Variants in ARHGAP5 observed in about 807,000 individuals in gnomAD.
ARHGAP5 encodes the protein rho GTPase-activating protein 5.
Under a neutral mutation model 116.6 loss-of-function variants are expected in ARHGAP5, and 23 were observed. That is an observed-to-expected ratio of 0.20 (90% CI 0.14 to 0.28). The LOEUF is 0.28. ARHGAP5 is among the 10% of genes least tolerant of loss of function. ARHGAP5 has a pLI of 1.00. For synonymous variants in ARHGAP5, 574 were observed against 602.0 expected (o/e 0.95, Z 0.68); for missense variants, 1,405 against 1,774.8 (o/e 0.79, Z 3.74).
At position 32,091,425 on chromosome 14, in the gene ARHGAP5, G is replaced by A; in HGVS notation, c.756G>A (p.Lys252=). 6.2e-7 allele frequency: 1 copy of A among 1,610,640 alleles called. No homozygotes were observed. The highest frequency in any genetic ancestry group is 8.5e-7 in the Non-Finnish European group (1 of 1,178,752). Reference sequence around the variant, plus strand: ...AAATGTTGGATAAAACTCGTAGCAAGCCTAAAATTATTCCCTATTTGGATG... The same window carrying A: ...AAATGTTGGATAAAACTCGTAGCAAACCTAAAATTATTCCCTATTTGGATG... ...LVQMLDKTRS[K]PKIIPYLDAY... Residue 252 remains lysine, a synonymous_variant, in exon 2 of 7, where the codon AAG becomes AAA. Coordinates refer to ENST00000345122, the MANE Select transcript of ARHGAP5 (RefSeq NM_001030055.2).
rs1330084340 is a variant in ARHGAP5, at chr14:32,127,053, A to G, written c.3865+9766A>G. Among the ~76,000 whole-genome samples, 7 of 148,688 alleles carry G rather than the reference A, an allele frequency of 4.7e-5. No homozygotes were observed. The East Asian group carries it at 1.4e-3, about 29-fold the overall frequency. On this transcript the variant is annotated intron_variant, in intron 3 of 6. Transcript: ENST00000345122. The stretch of plus-strand genomic sequence containing the variant: ...CACTCTGTCACCCAGGCTGGAGTAC[A>G]GTGGTGTAGTCTTGGCTCACTGCGA...
At chr14:32,151,113 GT>G (rs1437246174) in intron 5 of ARHGAP5, among the ~76,000 whole-genome samples, 1 of 151,950 alleles carries the variant, frequency 6.6e-6, no homozygotes, top group Non-Finnish European at 1.5e-5. Context: ...TTATATATAC[GT>G]ACTCTCAGGT....
At chr14:32,130,684 C>T (rs1880440254) in intron 3 of ARHGAP5, among the ~76,000 whole-genome samples, 1 of 151,966 alleles carries the variant, frequency 6.6e-6, no homozygotes, top group African/African-American at 2.4e-5. Flanking sequence ...AGGCACGTGC[C>T]ACCACACCCC....
At chr14:32,114,243 C>G (rs1338439645) in intron 2 of ARHGAP5, among the ~76,000 whole-genome samples, 1 of 150,478 alleles carries the variant, frequency 6.6e-6, no homozygotes, top group Non-Finnish European at 1.5e-5. Context: ...AAAAAAAAAT[C>G]TACCCAAGTG....
At chr14:32,099,054 C>T (rs114854165) in intron 2 of ARHGAP5, among the ~76,000 whole-genome samples, 335 of 151,822 alleles carry the variant, frequency 2.2e-3, no homozygotes, top group African/African-American at 7.3e-3. Flanking sequence ...AGAGTGTTGG[C>T]GATGGAGAAT....
rs571967773 is a variant in ARHGAP5 at position 32,143,248 on chromosome 14, A to G, written c.3866-3015A>G. The stretch of plus-strand genomic sequence containing the variant: ...TGTTGTTGTTGTTGTTGTTATTATT[A>G]TTATTATTATTTGAGACGGAGACTT... On this transcript the variant is annotated intron_variant, in intron 3 of 6. Transcript: ENST00000345122. Among the ~76,000 whole-genome samples the G allele has an allele frequency of 1.9e-3, 281 of 144,954 alleles. 5 individuals are homozygous for G. Among genetic ancestry groups the G allele is most frequent in the East Asian group, 0.017 (83 of 4,926 alleles).
intron 6 of ARHGAP5, among the ~76,000 whole-genome samples, chr14:32,153,600 G>A (rs566123711): frequency 6.7e-6 from 1 of 149,736 alleles, no homozygotes; most frequent in Non-Finnish European, 1.5e-5. Context: ...AGCCTCCCGA[G>A]TAGCTGGGAT....
At chr14:32,152,228 C>CT (rs1445124971) in intron 5 of ARHGAP5, among the ~76,000 whole-genome samples, 195 bp from the exon 6 acceptor site, 1 of 152,198 alleles carries the variant, frequency 6.6e-6, no homozygotes, top group Middle Eastern at 3.2e-3. Context: ...GAAAAACTGT[C>CT]TTCCACAAAA....
In ARHGAP5 at chr14:32,099,950, T is replaced by C. The variant is rs561108724; in HGVS notation, c.3717+5564T>C. On this transcript the variant is annotated intron_variant, in intron 2 of 6. Transcript: ENST00000345122. ...TTGTTTTATACCCAAATGAAGTTAG[T>C]GTTAGTTATGGTAACAAAACCTCTA... Among the ~76,000 whole-genome samples the C allele has an allele frequency of 2.4e-4, 37 of 152,312 alleles. 1 individual carries two copies. In the South Asian group the frequency reaches 7.3e-3, roughly 30 times the overall value.
intron 3 of ARHGAP5, among the ~76,000 whole-genome samples, chr14:32,135,084 G>A (rs969438829): frequency 5.9e-5 from 9 of 152,064 alleles, no homozygotes; most frequent in African/African-American, 1.9e-4. Context: ...TGTTTTACAG[G>A]GAAGACTCAG....
rs1318281915 is a variant in ARHGAP5, at chr14:32,094,012, A to G, written c.3343A>G (p.Ser1115Gly). The G allele has an allele frequency of 2.9e-5, 46 of 1,613,096 alleles. No individual in the cohort carries two copies. The highest frequency in any genetic ancestry group is 3.9e-5 in the Non-Finnish European group (46 of 1,179,802). ...SDEIYVVPDDSQNRIKIRNSF... is the reference protein window; with the variant it reads ...SDEIYVVPDDGQNRIKIRNSF... ...TGAGATTTATGTTGTCCCAGATGATAGTCAAAATCGTATTAAAATTCGAAA... is the reference window on the plus strand; with the variant it reads ...TGAGATTTATGTTGTCCCAGATGATGGTCAAAATCGTATTAAAATTCGAAA... The change falls in exon 2 of 7, where the codon AGT (serine) becomes GGT (glycine). Residue 1115 changes from serine (S) to glycine (G), a missense_variant. By Grantham distance (56) the Ser-to-Gly change is moderately conservative. Around this residue, in one of 6 missense-constraint regions of ARHGAP5, gnomAD observed 944 missense variants for 1,095.3 expected, o/e 0.86. Transcript: ENST00000345122.
intron 4 of ARHGAP5, 151 bp downstream of exon 4, chr14:32,146,491 A>G (rs564962813): frequency 4.9e-6 from 3 of 612,668 alleles, no homozygotes; most frequent in Non-Finnish European, 8.7e-6. Flanking sequence ...AGCACTAAGT[A>G]AAATAGATAC....
intron 2 of ARHGAP5, among the ~76,000 whole-genome samples, chr14:32,110,636 T>A (rs1879246652): frequency 6.6e-6 from 1 of 152,162 alleles, no homozygotes; most frequent in African/African-American, 2.4e-5. Flanking sequence ...ATTGTACATG[T>A]CTATTCAAGG....
chr14:32,152,109 A>G (rs1467947784), intron 5 of ARHGAP5, among the ~76,000 whole-genome samples: 1 of 152,140 alleles, frequency 6.6e-6, no homozygotes, highest in African/African-American at 2.4e-5. Flanking sequence ...TGGGAACCCT[A>G]TTGTGAACCA....
intron 1 of ARHGAP5, among the ~76,000 whole-genome samples, chr14:32,089,075 CTGTT>C (rs1441854158): frequency 2.0e-5 from 3 of 151,858 alleles, no homozygotes; most frequent in Admixed American, 6.6e-5. Context: ...AGATGGCTGA[CTGTT>C]AAAGTTAATA....
chr14:32,091,432 A>G lies in ARHGAP5; in HGVS notation c.763A>G (p.Ile255Val), dbSNP rs1483273700. The stretch of plus-strand genomic sequence containing the variant: ...GGATAAAACTCGTAGCAAGCCTAAA[A>G]TTATTCCCTATTTGGATGCTTATAA... ...MLDKTRSKPK[I>V]IPYLDAYKTQ... is the part of the protein sequence containing the mutation. Residue 255 changes from isoleucine (I) to valine (V), a missense_variant, in exon 2 of 7, where the codon ATT (isoleucine) becomes GTT (valine). Around this residue, in one of 6 missense-constraint regions of ARHGAP5, gnomAD observed 190 missense variants for 314.9 expected, o/e 0.60. Transcript: ENST00000345122. 6.2e-7 allele frequency: 1 copy of G among 1,610,872 alleles called. No individual in the cohort carries two copies. The highest frequency in any genetic ancestry group is 1.7e-4 in the Middle Eastern group (1 of 6,034).
chr14:32,122,105 G>T (rs1879916990), intron 3 of ARHGAP5, among the ~76,000 whole-genome samples: 1 of 152,136 alleles, frequency 6.6e-6, no homozygotes, highest in African/African-American at 2.4e-5. Context: ...GGAACTACCA[G>T]ACTCTTTCAA....
In ARHGAP5 at chr14:32,140,510, A is replaced by G. The variant is rs539085599; in HGVS notation, c.3866-5753A>G. 5.3e-5 allele frequency among the ~76,000 whole-genome samples: 8 copies of G among 152,234 alleles called. No individual in the cohort carries two copies. In the South Asian group the frequency reaches 1.7e-3, roughly 32 times the overall value. On this transcript the variant is annotated intron_variant, in intron 3 of 6. Transcript: ENST00000345122. Reference sequence around the variant, plus strand: ...GAGGCTGAGGCAGGAGAACGGTGTGAACCCAGGAGGCGGAGCTTGCAGTGA... The same window carrying G: ...GAGGCTGAGGCAGGAGAACGGTGTGGACCCAGGAGGCGGAGCTTGCAGTGA...
At chr14:32,142,473 C>T (rs1164899065) in intron 3 of ARHGAP5, among the ~76,000 whole-genome samples, 2 of 152,130 alleles carry the variant, frequency 1.3e-5, no homozygotes, top group Non-Finnish European at 2.9e-5. Flanking sequence ...GTATTCTTTG[C>T]CATTTGCTGC....
Sources: allele counts gnomAD v4.1 joint callset (sites outside exome capture counted in the v4.1 genomes callset), GRCh38; gene constraint gnomAD v4.1.1; regional missense constraint gnomAD v4.1.1; transcripts MANE v1.5; gene names NCBI Gene and HGNC (gene_info 2026-07-23, HGNC 2026-07-21).